Variants in COL5A2 observed in about 807,000 individuals in gnomAD.
The protein encoded by COL5A2 is collagen type V alpha 2 chain.
A neutral mutation model predicts 208.2 loss-of-function variants in COL5A2; 23 were observed. That is an observed-to-expected ratio of 0.11 (90% CI 0.08 to 0.16). The LOEUF is 0.16. COL5A2 is among the 10% of genes least tolerant of loss of function. The pLI, the probability that COL5A2 is intolerant of heterozygous loss-of-function variation, is 1.00. For synonymous variants in COL5A2, 625 were observed against 628.5 expected, an observed-to-expected ratio of 0.99 and a Z score of 0.08; for missense variants, 1,590 against 1,956.4, an observed-to-expected ratio of 0.81 and a Z score of 3.53.
In COL5A2 at chr2:189,127,639, T is replaced by C. The variant is rs545834065; in HGVS notation, c.98-17190A>G. Among the ~76,000 whole-genome samples, 17 of 152,210 alleles carry C rather than the reference T, an allele frequency of 1.1e-4. No homozygotes were observed. In the East Asian group the frequency reaches 3.3e-3, roughly 29 times the overall value. ...GGATAATATACCCCCTTCCCAAGGT[T>C]GTTCTGAGAATCAAATAGATGTGAG... On this transcript the variant is annotated intron_variant, in intron 1 of 53. Transcript: ENST00000374866.
intron 8 of COL5A2, among the ~76,000 whole-genome samples, chr2:189,087,960 C>T (rs981824011): frequency 2.6e-5 from 4 of 151,934 alleles, no homozygotes; most frequent in Non-Finnish European, 5.9e-5. Flanking sequence ...TAAAAATATA[C>T]AAATAATATT....
intron 1 of COL5A2, among the ~76,000 whole-genome samples, chr2:189,167,048 T>C (rs1688478112): frequency 6.6e-6 from 1 of 152,234 alleles, no homozygotes; most frequent in South Asian, 2.1e-4. Context: ...CTCCCAATCC[T>C]GAAAAATGCC....
Position 189,050,558 on chromosome 2 carries a change from C to T in COL5A2, c.3039+11G>A. ...ATATGAGATAAAATATTGACCGATG[C>T]AGCTACTCACCGCTGGGCCTGGTAG... is the stretch of plus-strand genomic sequence containing the variant. On this transcript the variant is annotated intron_variant, in intron 43 of 53. Coordinates refer to ENST00000374866, the MANE Select transcript of COL5A2 (RefSeq NM_000393.5). 1 of 1,540,808 alleles carries T rather than the reference C, an allele frequency of 6.5e-7. No individual in the cohort carries two copies. The highest frequency in any genetic ancestry group is 8.8e-7 in the Non-Finnish European group (1 of 1,137,130).
chr2:189,413,780 G>A, the COL5A2 span, among the ~76,000 whole-genome samples: 43 of 130,306 alleles, frequency 3.3e-4, no homozygotes, highest in Non-Finnish European at 5.2e-4. Flanking sequence ...CTTCCTTGGC[G>A]TCATTTTTTT....
intron 2 of COL5A2, among the ~76,000 whole-genome samples, chr2:189,108,437 CTTCT>C (rs1687194739): frequency 6.6e-6 from 1 of 151,856 alleles, no homozygotes; most frequent in Non-Finnish European, 1.5e-5. Context: ...GCTCCACTGT[CTTCT>C]GACACTGGAT....
intron 1 of COL5A2, among the ~76,000 whole-genome samples, chr2:189,145,499 T>G (rs180757344): frequency 4.1e-4 from 63 of 152,282 alleles, no homozygotes; most frequent in African/African-American, 1.5e-3. Flanking sequence ...TTTACAATTA[T>G]GTATTGCTAT....
chr2:189,324,174 A>C, the COL5A2 span, among the ~76,000 whole-genome samples: 1 of 152,358 alleles, frequency 6.6e-6, no homozygotes, highest in East Asian at 1.9e-4. Flanking sequence ...AATTCATTCA[A>C]GATGGATTAA....
At chr2:189,120,375 C>G (rs1487752377) in intron 1 of COL5A2, among the ~76,000 whole-genome samples, 1 of 152,066 alleles carries the variant, frequency 6.6e-6, no homozygotes, top group Non-Finnish European at 1.5e-5. Context: ...AATTATTGGT[C>G]CTTATCTTGG....
At chr2:189,381,925 G>A in the COL5A2 span, among the ~76,000 whole-genome samples, 22 of 151,928 alleles carry the variant, frequency 1.4e-4, no homozygotes, top group African/African-American at 5.1e-4. Context: ...CTTTATTATT[G>A]TGTCATTAGA....
intron 50 of COL5A2, among the ~76,000 whole-genome samples, chr2:189,041,328 T>C (rs1685555894): frequency 6.6e-6 from 1 of 152,214 alleles, no homozygotes; most frequent in Non-Finnish European, 1.5e-5. Flanking sequence ...TAATTATAAA[T>C]ACAATTATAA....
chr2:189,438,503 AC>A, the COL5A2 span, among the ~76,000 whole-genome samples: 1 of 152,230 alleles, frequency 6.6e-6, no homozygotes, highest in Non-Finnish European at 1.5e-5. Flanking sequence ...ACAATGGAAT[AC>A]CACTCAGCAA....
the COL5A2 span, among the ~76,000 whole-genome samples, chr2:189,358,766 TA>T: frequency 6.6e-6 from 1 of 152,218 alleles, no homozygotes; most frequent in South Asian, 2.1e-4. Context: ...ATCAGTATTT[TA>T]TAGTTTTGTA....
At chr2:189,068,318 G>C (rs1273829324) in intron 19 of COL5A2, 48 bp from the exon 20 acceptor site, 1 of 1,455,954 alleles carries the variant, frequency 6.9e-7, no homozygotes, top group Non-Finnish European at 9.6e-7. Context: ...GCAATATATA[G>C]ATACAAATGT....
the COL5A2 span, among the ~76,000 whole-genome samples, chr2:189,248,569 C>T: frequency 3.3e-5 from 5 of 152,036 alleles, no homozygotes; most frequent in African/African-American, 9.7e-5. Flanking sequence ...AGTTTGAGTC[C>T]ATAAAACTCT....
intron 7 of COL5A2, among the ~76,000 whole-genome samples, chr2:189,089,875 GTGTTCC>G (rs1686746612): frequency 6.6e-6 from 1 of 152,080 alleles, no homozygotes; most frequent in Non-Finnish European, 1.5e-5. Context: ...TACCAACCGG[GTGTTCC>G]CCATCTCTCT....
intron 1 of COL5A2, among the ~76,000 whole-genome samples, chr2:189,222,457 A>G (rs1450013370): frequency 6.6e-6 from 1 of 152,178 alleles, no homozygotes; most frequent in Non-Finnish European, 1.5e-5. Flanking sequence ...TTCATAATAT[A>G]TTCTCCAACC....
chr2:189,158,673 C>T (rs1216694668), intron 1 of COL5A2, among the ~76,000 whole-genome samples: 1 of 152,046 alleles, frequency 6.6e-6, no homozygotes, highest in Non-Finnish European at 1.5e-5. Flanking sequence ...CTCTGTGATA[C>T]AGGAACTGTC....
the COL5A2 span, among the ~76,000 whole-genome samples, chr2:189,239,368 T>A: frequency 6.6e-6 from 1 of 152,058 alleles, no homozygotes; most frequent in Admixed American, 6.6e-5. Flanking sequence ...GGAAAGATTA[T>A]CCTGTATTCT....
chr2:189,219,978 C>T (rs1162355255), intron 1 of COL5A2, among the ~76,000 whole-genome samples: 1 of 152,126 alleles, frequency 6.6e-6, no homozygotes, highest in East Asian at 1.9e-4. Context: ...TTTCATTGTG[C>T]ACTAAGCCAT....
Sources: gnomAD v4.1 joint callset for allele counts (sites outside exome capture counted in the v4.1 genomes callset) on GRCh38, gnomAD v4.1.1 for gene constraint, MANE v1.5 for transcripts, NCBI Gene and HGNC (gene_info 2026-07-23, HGNC 2026-07-21) for gene names.